CSMD3: variants seen among roughly 807,000 people sequenced by gnomAD.
CSMD3 encodes CUB and sushi domain-containing protein 3.
A neutral mutation model predicts 435.2 loss-of-function variants in CSMD3; 177 were observed. The observed-to-expected ratio is 0.41, with a 90% CI of 0.36 to 0.46. The LOEUF (loss-of-function observed/expected upper bound fraction) is 0.46. Ranked by LOEUF, CSMD3 falls within the 20% of genes least tolerant of loss-of-function variation. CSMD3 has a pLI of 0.34. For missense variants in CSMD3, 4,265 were observed against 4,504.6 expected (o/e 0.95, Z 1.52); for synonymous variants, 1,656 against 1,520.5 (o/e 1.09, Z -2.07).
rs79568049 is a variant in CSMD3 at position 112,439,429 on chromosome 8, G to A, written c.5396-30397C>T. The stretch of plus-strand genomic sequence containing the variant: ...GCTGGGATTATAGGTGTGAGCCACC[G>A]TGACATACTTTTAAAATAATAATTC... On this transcript the variant is annotated intron_variant, in intron 32 of 70. Transcript: ENST00000297405. 8.3e-4 allele frequency among the ~76,000 whole-genome samples: 126 copies of A among 152,084 alleles called. 2 individuals are homozygous for A. In the East Asian group the frequency reaches 0.021, roughly 25 times the overall value.
rs2130935217 is a variant in CSMD3, at chr8:112,976,093, C to G, written c.1086G>C (p.Arg362Ser). The stretch of plus-strand genomic sequence containing the variant: ...CAACAGCAATAGCACCAGTGGTAGT[C>G]CTGTTATGCTCCTCTAACTCACCAG... ...TSTGELEEHN[R>S]TTTGAIAVAS... Residue 362 changes from arginine (R) to serine (S), a missense_variant, in exon 7 of 71, where the codon AGG (arginine) becomes AGC (serine). Coordinates refer to ENST00000297405, the MANE Select transcript of CSMD3 (RefSeq NM_198123.2). 6.2e-7 allele frequency: 1 copy of G among 1,614,008 alleles called. No individual in the cohort carries two copies. Among genetic ancestry groups the G allele is most frequent in the Non-Finnish European group, 8.5e-7 (1 of 1,179,930 alleles).
Position 112,255,368 on chromosome 8 carries a change from T to C in CSMD3, c.9922A>G (p.Ile3308Val). Residue 3308 changes from isoleucine to valine, a missense_variant, in exon 62 of 71, where the codon ATA becomes GTA. Ile to Val is a conservative substitution (Grantham distance 29). Around this residue, in one of 3 missense-constraint regions of CSMD3, gnomAD observed 3,255 missense variants for 3,380.2 expected, o/e 0.96. Transcript: ENST00000297405. ...AQGKREGKSFIYQSEVSFSCN... is the reference protein window; with the variant it reads ...AQGKREGKSFVYQSEVSFSCN... ...CTGAATGAAACCTCTGACTGGTATA[T>C]AAAGCTTTTGCCTTCTCTTTTTCCT... 2.5e-6 allele frequency: 4 copies of C among 1,613,782 alleles called. No homozygotes were observed. Among genetic ancestry groups the C allele is most frequent in the Middle Eastern group, 1.7e-4 (1 of 6,060 alleles).
At chr8:113,025,870 C>T (rs1210022276) in intron 5 of CSMD3, among the ~76,000 whole-genome samples, 1 of 152,134 alleles carries the variant, frequency 6.6e-6, no homozygotes, top group Non-Finnish European at 1.5e-5. Context: ...TTCTGCTGAA[C>T]CTAGGCTCCA....
intron 38 of CSMD3, among the ~76,000 whole-genome samples, chr8:112,354,371 A>G (rs1421012158): frequency 1.3e-5 from 2 of 152,174 alleles, no homozygotes; most frequent in Non-Finnish European, 2.9e-5. Flanking sequence ...AGAAATAAAT[A>G]AAAGGTATCC....
chr8:112,456,306 G>A (rs571958912), intron 32 of CSMD3, among the ~76,000 whole-genome samples: 135 of 152,176 alleles, frequency 8.9e-4, no homozygotes, highest in African/African-American at 3.1e-3. Context: ...AGATAACTTG[G>A]TAAGTTTTAG....
chr8:112,965,482 AT>A (rs1374876666), intron 7 of CSMD3, among the ~76,000 whole-genome samples: 1 of 151,984 alleles, frequency 6.6e-6, no homozygotes, highest in African/African-American at 2.4e-5. Context: ...TCTGAAAAAA[AT>A]ATATAGGTTT....
chr8:112,872,022 C>T (rs1251870332), intron 10 of CSMD3, among the ~76,000 whole-genome samples: 3 of 152,072 alleles, frequency 2.0e-5, no homozygotes, highest in South Asian at 2.1e-4. Context: ...AATTATTGAT[C>T]TATCAAAGAC....
chr8:113,346,235 T>A (rs1273035263), intron 1 of CSMD3, among the ~76,000 whole-genome samples: 1 of 152,034 alleles, frequency 6.6e-6, no homozygotes, highest in South Asian at 2.1e-4. Flanking sequence ...TTTTAGAATA[T>A]CCTCAATTTA....
At chr8:113,029,679 G>C (rs1336805796) in intron 5 of CSMD3, among the ~76,000 whole-genome samples, 1 of 151,488 alleles carries the variant, frequency 6.6e-6, no homozygotes, top group East Asian at 1.9e-4. Context: ...ATACTGAATG[G>C]GGAAAAGTTG....
At chr8:112,859,064 A>T (rs1296415221) in intron 11 of CSMD3, 81 bp downstream of exon 11, 1 of 1,319,910 alleles carries the variant, frequency 7.6e-7, no homozygotes, top group Admixed American at 1.7e-5. Context: ...AATTTTCCAT[A>T]CTGCATGTTC....
intron 10 of CSMD3, among the ~76,000 whole-genome samples, chr8:112,917,460 A>G (rs954544331): frequency 2.0e-5 from 3 of 151,836 alleles, no homozygotes; most frequent in Non-Finnish European, 4.4e-5. Flanking sequence ...CTAGGTGGCA[A>G]TTCTGTTTAT....
intron 10 of CSMD3, among the ~76,000 whole-genome samples, chr8:112,911,709 G>A (rs1017037392): frequency 6.9e-6 from 1 of 144,152 alleles, no homozygotes; most frequent in African/African-American, 2.5e-5. Context: ...TGTTATGTAT[G>A]TATTATGTTA....
intron 1 of CSMD3, among the ~76,000 whole-genome samples, chr8:113,392,113 A>G (rs904137351): frequency 6.6e-6 from 1 of 152,058 alleles, no homozygotes; most frequent in African/African-American, 2.4e-5. Flanking sequence ...AAAACAACAA[A>G]TTATCATTAG....
chr8:112,977,413 C>A (rs1433964058), intron 6 of CSMD3, among the ~76,000 whole-genome samples: 1 of 151,984 alleles, frequency 6.6e-6, no homozygotes, highest in Non-Finnish European at 1.5e-5. Flanking sequence ...GATATTTTAA[C>A]CATTCTGAAA....
intron 4 of CSMD3, among the ~76,000 whole-genome samples, chr8:113,169,968 G>C (rs1426844057): frequency 6.6e-6 from 1 of 152,130 alleles, no homozygotes; most frequent in African/African-American, 2.4e-5. Flanking sequence ...CATCCTGCCT[G>C]TGAACAAACA....
At chr8:112,296,169 C>T (rs56122147) in intron 53 of CSMD3, among the ~76,000 whole-genome samples, 163 bp from the exon 54 acceptor site, 4,510 of 151,940 alleles carry the variant, frequency 0.03, 228 homozygotes, top group African/African-American at 0.1. Context: ...AAATATTTAG[C>T]AAAACAACAA....
intron 31 of CSMD3, among the ~76,000 whole-genome samples, chr8:112,483,561 A>T (rs757858139): frequency 6.6e-6 from 1 of 152,200 alleles, no homozygotes; most frequent in Non-Finnish European, 1.5e-5. Flanking sequence ...GCCTTAGGAC[A>T]GAGGGAAATA....
At chr8:113,252,242 T>C (rs570882394) in intron 3 of CSMD3, among the ~76,000 whole-genome samples, 1 of 152,206 alleles carries the variant, frequency 6.6e-6, no homozygotes, top group Non-Finnish European at 1.5e-5. Flanking sequence ...GAATAAATAC[T>C]CATAAACTAT....
At chr8:113,198,923 A>G (rs1307103350) in intron 3 of CSMD3, among the ~76,000 whole-genome samples, 2 of 151,414 alleles carry the variant, frequency 1.3e-5, no homozygotes, top group Non-Finnish European at 3.0e-5. Context: ...TAAAAAAGCA[A>G]TCAAATATTT....
Sources: allele counts gnomAD v4.1 joint callset (sites outside exome capture counted in the v4.1 genomes callset), GRCh38; gene constraint gnomAD v4.1.1; regional missense constraint gnomAD v4.1.1; transcripts MANE v1.5; gene names NCBI Gene and HGNC (gene_info 2026-07-23, HGNC 2026-07-21).